Variants in SRR observed in about 807,000 individuals in gnomAD.
The protein encoded by SRR is D-serine ammonia-lyase.
A neutral mutation model predicts 32.7 loss-of-function variants in SRR; 19 were observed. The ratio of observed to expected loss-of-function variants is 0.58; its 90% CI spans 0.40 to 0.85. The LOEUF is 0.85. Among genes scored for constraint, SRR ranks in the 40% least tolerant of loss-of-function variants. The probability of loss-of-function intolerance (pLI) is 0.00; values close to 1 mark genes in which losing one functional copy is unlikely to be tolerated. For synonymous variants in SRR, 142 were observed against 140.9 expected, an observed-to-expected ratio of 1.01 and a Z score of -0.06; for missense variants, 373 against 404.7, an observed-to-expected ratio of 0.92 and a Z score of 0.67.
At chr17:2,316,446 C>T (rs907029343) in intron 2 of SRR, among the ~76,000 whole-genome samples, 1 of 152,210 alleles carries the variant, frequency 6.6e-6, no homozygotes, top group Non-Finnish European at 1.5e-5. Flanking sequence ...TGAACTGTTG[C>T]AGGCAAATTG....
At chr17:2,307,032 A>T (rs549956275) in intron 1 of SRR, 43 of 1,333,248 alleles carry the variant, frequency 3.2e-5, no homozygotes, top group Non-Finnish European at 4.2e-5. Flanking sequence ...GAGCTGTCTC[A>T]AGAGAAGATT....
chr17:2,320,173 G>A (rs1228356521), intron 4 of SRR, among the ~76,000 whole-genome samples: 2 of 150,850 alleles, frequency 1.3e-5, no homozygotes, highest in African/African-American at 4.9e-5. Context: ...CTCATACACG[G>A]TGGAAACGAG....
intron 1 of SRR, among the ~76,000 whole-genome samples, chr17:2,306,186 G>A (rs1345344207): frequency 1.3e-5 from 2 of 151,618 alleles, no homozygotes; most frequent in Non-Finnish European, 2.9e-5. Context: ...TGTGGTGGCG[G>A]GCACCTGTAG....
At position 2,306,435 on chromosome 17, in the gene SRR, G is replaced by A. The variant is rs555061126; in HGVS notation, c.-5+2418G>A. ...AATTTTTTTAAAAACAACAATTTTAGGCCAGGCCCCGTGGCTCATGCCTGT... is the reference window on the plus strand; with the variant it reads ...AATTTTTTTAAAAACAACAATTTTAAGCCAGGCCCCGTGGCTCATGCCTGT... On this transcript the variant is annotated intron_variant, in intron 1 of 7. Transcript: ENST00000344595. Among the ~76,000 whole-genome samples, 36 of 152,018 alleles carry A rather than the reference G, an allele frequency of 2.4e-4. No homozygotes were observed. In the South Asian group the frequency reaches 7.5e-3, roughly 32 times the overall value.
In SRR at chr17:2,307,331, C is replaced by G. The variant is rs145679333; in HGVS notation, c.-5+3314C>G. ...AAGCAAGAGATGGTGAGTGCTTCAT[C>G]CAGCCAAAGAGGTCAAAGTACTTCT... On this transcript the variant is annotated intron_variant, in intron 1 of 7. Transcript: ENST00000344595. 669 of 1,054,932 alleles carry G rather than the reference C, an allele frequency of 6.3e-4. 2 individuals carry two copies. In the African/African-American group the frequency reaches 7.7e-3, roughly 12 times the overall value. 65.3% of individuals were successfully genotyped at this position (1,054,932 alleles called of 1,614,324 possible).
chr17:2,303,754 G>C (rs192220141), upstream of SRR: 1 of 1,474,236 alleles, frequency 6.8e-7, no homozygotes, highest in East Asian at 3.0e-5. Flanking sequence ...TAGCGGCTCC[G>C]CCACCGCCGC....
At chr17:2,318,619 A>ATTTTTTTTTTTTT (rs35847724) in intron 3 of SRR, among the ~76,000 whole-genome samples, 4 of 92,550 alleles carry the variant, frequency 4.3e-5, no homozygotes, top group African/African-American at 8.6e-5. Flanking sequence ...ATGCCTGGCT[A>ATTTTTTTTTTTTT]TTTTTTTTTT....
intron 2 of SRR, among the ~76,000 whole-genome samples, chr17:2,317,448 C>T (rs1430029758): frequency 6.6e-6 from 1 of 151,332 alleles, no homozygotes; most frequent in Admixed American, 6.6e-5. Flanking sequence ...GGAGGCGGAG[C>T]TTGCAGTGAG....
At chr17:2,318,226 C>G (rs2075493979) in intron 3 of SRR, among the ~76,000 whole-genome samples, 1 of 151,878 alleles carries the variant, frequency 6.6e-6, no homozygotes, top group African/African-American at 2.4e-5. Flanking sequence ...CTCACTGTAA[C>G]CTCCACCTGC....
upstream of SRR, chr17:2,303,760 G>C (rs1567770437): frequency 2.0e-6 from 3 of 1,464,868 alleles, no homozygotes; most frequent in Non-Finnish European, 9.0e-7. Context: ...CTCCGCCACC[G>C]CCGCGCGCAG....
chr17:2,303,541 G>A (rs915569835), upstream of SRR: 8 of 1,340,430 alleles, frequency 6.0e-6, no homozygotes, highest in African/African-American at 6.2e-5. Context: ...CGGGGGCTCC[G>A]GAGCCGAGGG....
At chr17:2,307,265 C>G in intron 1 of SRR, 2 of 1,163,116 alleles carry the variant, frequency 1.7e-6, no homozygotes, top group East Asian at 2.3e-5. Context: ...AAATACCATA[C>G]TGTGAATGGC....
chr17:2,323,314 A>G lies in SRR; in HGVS notation c.773A>G (p.Asp258Gly), dbSNP rs150371285. 2.4e-4 allele frequency: 384 copies of G among 1,613,954 alleles called. No individual in the cohort carries two copies. The highest frequency in any genetic ancestry group is 3.0e-4 in the Non-Finnish European group (353 of 1,179,928). Residue 258 changes from aspartate to glycine, a missense_variant, in exon 7 of 8, where the codon GAT (aspartate) becomes GGT (glycine). Transcript: ENST00000344595. ...CCTATTATCAGGGACCTTGTGGATGATATCTTCACTGTCACAGAGGATGAA... is the reference window on the plus strand; with the variant it reads ...CCTATTATCAGGGACCTTGTGGATGGTATCTTCACTGTCACAGAGGATGAA... ...TWPIIRDLVD[D>G]IFTVTEDEIK...
rs1297114495 is a variant in SRR, at chr17:2,323,738, A to C, written c.888A>C (p.Gln296His). 2 of 1,614,096 alleles carry C rather than the reference A, an allele frequency of 1.2e-6. No homozygotes were observed. The highest frequency in any genetic ancestry group is 2.7e-5 in the African/African-American group (2 of 74,924). Residue 296 changes from glutamine (Q) to histidine (H), a missense_variant, in exon 8 of 8, where the codon CAA becomes CAC. By Grantham distance (24) the Gln-to-His change is conservative. Coordinates refer to ENST00000344595, the MANE Select transcript of SRR (RefSeq NM_021947.3). ...AGVGVAAVLS[Q>H]HFQTVSPEVK... ...TTGGAGTGGCTGCTGTGCTGTCTCA[A>C]CATTTTCAAACTGTTTCCCCAGAAG...
At chr17:2,308,048 T>TA (rs35508897) in intron 1 of SRR, among the ~76,000 whole-genome samples, 2,528 of 142,094 alleles carry the variant, frequency 0.018, 85 homozygotes, top group African/African-American at 0.062. Flanking sequence ...AATGTCTTTT[T>TA]AAAAAAAAAA....
intron 1 of SRR, among the ~76,000 whole-genome samples, chr17:2,304,481 G>C (rs1387935980): frequency 2.0e-5 from 3 of 150,486 alleles, no homozygotes; most frequent in Non-Finnish European, 4.4e-5. Flanking sequence ...GACCTCAGGT[G>C]ATCCACCCGC....
chr17:2,325,175 T>C lies in SRR; in HGVS notation c.*1302T>C. On this transcript the variant is annotated 3_prime_UTR_variant, in exon 8 of 8. Transcript: ENST00000344595. ...TCTATTAACAATGTTAAATGAAGAC[T>C]TACTGTATTTTGAAAACCATCATTA... The C allele has an allele frequency of 1.4e-6, 1 of 715,980 alleles. No homozygotes were observed. Among genetic ancestry groups the C allele is most frequent in the Non-Finnish European group, 2.3e-6 (1 of 436,136 alleles). The allele number at this position is 715,980 out of a possible 1,614,324, so 44.4% of individuals were successfully genotyped here.
intron 1 of SRR, among the ~76,000 whole-genome samples, chr17:2,310,755 T>C (rs1418591965): frequency 6.6e-6 from 1 of 151,944 alleles, no homozygotes. Flanking sequence ...ATTTTTTTGT[T>C]TGTTTGTTTG....
intron 1 of SRR, among the ~76,000 whole-genome samples, chr17:2,314,424 A>T (rs2075455393): frequency 6.6e-6 from 1 of 152,136 alleles, no homozygotes; most frequent in African/African-American, 2.4e-5. Context: ...TTTACTAAAA[A>T]TACAAAAAAT....
Sources: allele counts gnomAD v4.1 joint callset (sites outside exome capture counted in the v4.1 genomes callset), GRCh38; gene constraint gnomAD v4.1.1; transcripts MANE v1.5; gene names NCBI Gene and HGNC (gene_info 2026-07-23, HGNC 2026-07-21).